Variants in DDR2 observed in about 807,000 individuals in gnomAD.
DDR2 encodes discoidin domain receptor tyrosine kinase 2, also known as discoidin domain-containing receptor 2.
Under a neutral mutation model 94.9 loss-of-function variants are expected in DDR2, and 27 were observed. That is an observed-to-expected ratio of 0.28 (90% confidence interval 0.21 to 0.39). The LOEUF (loss-of-function observed/expected upper bound fraction) is 0.39, where lower values mean the gene tolerates loss of function less well. DDR2 is among the 10% of genes least tolerant of loss of function. The probability of loss-of-function intolerance (pLI) is 1.00; values close to 1 mark genes in which losing one functional copy is unlikely to be tolerated. For synonymous variants in DDR2, 382 were observed against 377.2 expected, an observed-to-expected ratio of 1.01 and a Z score of -0.15; for missense variants, 783 against 1,076.0, an observed-to-expected ratio of 0.73 and a Z score of 3.81.
At position 162,728,178 on chromosome 1, in the gene DDR2, C is replaced by A. The variant is rs141821644; in HGVS notation, c.82+9033C>A. On this transcript the variant is annotated intron_variant, in intron 3 of 17. Transcript: ENST00000367921. The stretch of plus-strand genomic sequence containing the variant: ...TCTATATAAATATATAGATAGATAT[C>A]TCTTTATATATATATAGATAGATAT... Among the ~76,000 whole-genome samples, 174 of 133,446 alleles carry A rather than the reference C, an allele frequency of 1.3e-3. No homozygotes were observed. In the Middle Eastern group the frequency reaches 0.019, roughly 15 times the overall value. 87.5% of individuals were successfully genotyped at this position (133,446 alleles called of 152,430 possible).
chr1:162,638,434 C>T (rs1266714293), intron 1 of DDR2, among the ~76,000 whole-genome samples: 2 of 152,140 alleles, frequency 1.3e-5, no homozygotes, highest in African/African-American at 4.8e-5. Flanking sequence ...GAACAAACTC[C>T]CATATCCCCA....
At position 162,684,299 on chromosome 1, in the gene DDR2, A is replaced by T. The variant is rs150081173; in HGVS notation, c.-28+28925A>T. ...CCTTCCAAGCCTCTATTTGACAAGG[A>T]TGATAAAATATCTTTCTTTTTTAAG... On this transcript the variant is annotated intron_variant, in intron 2 of 17. Coordinates refer to ENST00000367921, the MANE Select transcript of DDR2 (RefSeq NM_006182.4). 2.0e-3 allele frequency among the ~76,000 whole-genome samples: 298 copies of T among 152,312 alleles called. 3 individuals carry two copies. Among genetic ancestry groups the T allele is most frequent in the African/African-American group, 7.0e-3 (292 of 41,576 alleles).
At chr1:162,666,955 A>AATAT (rs765426746) in intron 2 of DDR2, among the ~76,000 whole-genome samples, 2 of 148,424 alleles carry the variant, frequency 1.3e-5, no homozygotes, top group African/African-American at 4.9e-5. Context: ...CAAACTCATA[A>AATAT]ATATATATAT....
intron 3 of DDR2, among the ~76,000 whole-genome samples, chr1:162,730,385 G>C (rs541639392): frequency 6.6e-6 from 1 of 152,256 alleles, no homozygotes; most frequent in African/African-American, 2.4e-5. Flanking sequence ...TACAAGCGGA[G>C]CATTTTGATT....
intron 1 of DDR2, among the ~76,000 whole-genome samples, chr1:162,651,804 G>A (rs1053786417): frequency 5.3e-5 from 8 of 152,086 alleles, no homozygotes; most frequent in Admixed American, 2.0e-4. Flanking sequence ...AAAATGAGTC[G>A]AATCTTGGTT....
In DDR2 at chr1:162,654,472, A is replaced by C. The variant is rs982782402; in HGVS notation, c.-191-739A>C. 8.5e-5 allele frequency among the ~76,000 whole-genome samples: 13 copies of C among 152,316 alleles called. No individual in the cohort carries two copies. In the South Asian group the frequency reaches 1.9e-3, roughly 22 times the overall value. On this transcript the variant is annotated intron_variant, in intron 1 of 17. Coordinates refer to ENST00000367921, the MANE Select transcript of DDR2 (RefSeq NM_006182.4). The stretch of plus-strand genomic sequence containing the variant: ...AGAATACAACAGCAAACAAACAAAC[A>C]AAAAACCAAAAACCCTCAAACACTA...
chr1:162,770,434 C>G lies in DDR2; in HGVS notation c.1426C>G (p.Pro476Ala). ...GSNSTYDRIF[P>A]LRPDYQEPSR... ...CAACTCGACTTACGATCGCATCTTT[C>G]CCCTTCGCCCTGACTACCAGGAGCC... Residue 476 changes from proline to alanine, a missense_variant, in exon 12 of 18, where the codon CCC (proline) becomes GCC (alanine). This residue lies in a region of DDR2 where 519 missense variants were observed against 647.9 expected (regional missense o/e 0.80). Coordinates refer to ENST00000367921, the MANE Select transcript of DDR2 (RefSeq NM_006182.4). 1 of 1,614,134 alleles carries G rather than the reference C, an allele frequency of 6.2e-7. No homozygotes were observed. The highest frequency in any genetic ancestry group is 1.1e-5 in the South Asian group (1 of 91,068).
At chr1:162,720,456 T>C (rs1539733) in intron 3 of DDR2, among the ~76,000 whole-genome samples, 88,655 of 149,870 alleles carry the variant, frequency 0.59, 29,566 homozygotes, top group Non-Finnish European at 0.74. Context: ...CAACATTTTG[T>C]TTATGAAATT....
chr1:162,740,570 T>G (rs1662539411), intron 3 of DDR2, among the ~76,000 whole-genome samples: 1 of 152,194 alleles, frequency 6.6e-6, no homozygotes, highest in African/African-American at 2.4e-5. Context: ...GAAGCCTACC[T>G]TGATTTCTTT....
intron 3 of DDR2, among the ~76,000 whole-genome samples, chr1:162,750,216 G>A (rs557899962): frequency 6.6e-6 from 1 of 152,292 alleles, no homozygotes; most frequent in African/African-American, 2.4e-5. Context: ...CCTGTTTGCA[G>A]ATGACATGAT....
At chr1:162,677,052 AAAACAATATTATGCGAGATGTGGC>A (rs1659164239) in intron 2 of DDR2, among the ~76,000 whole-genome samples, 1 of 152,182 alleles carries the variant, frequency 6.6e-6, no homozygotes, top group African/African-American at 2.4e-5. Flanking sequence ...GGGTGAACCA[AAAACAATATTATGCGAGATGTGGC>A]CAGTTTGGGT....
rs761726921 is a variant in DDR2, at chr1:162,656,833, G to GTTTT, written c.-28+1472_-28+1475dup. Among the ~76,000 whole-genome samples the GTTTT allele has an allele frequency of 9.4e-3, 615 of 65,564 alleles. 128 individuals carry two copies. Among genetic ancestry groups the GTTTT allele is most frequent in the African/African-American group, 0.026 (535 of 20,378 alleles). 43.0% of individuals were successfully genotyped at this position (65,564 alleles called of 152,430 possible). A position where few individuals can be genotyped will look rare whatever the true frequency, so the allele number is the denominator to read the frequency against. On this transcript the variant is annotated intron_variant, in intron 2 of 17. Transcript: ENST00000367921. The stretch of plus-strand genomic sequence containing the variant: ...GGTCTTTTCTTCCCCTGCCACTGGA[G>GTTTT]TTTTTTTTTTTTTTTTATTTTTTTT...
At chr1:162,717,388 C>T (rs374717476) in intron 2 of DDR2, among the ~76,000 whole-genome samples, 1 of 152,256 alleles carries the variant, frequency 6.6e-6, no homozygotes, top group East Asian at 1.9e-4. Context: ...TACAGGGAAT[C>T]CTTGTATATC....
At chr1:162,754,972 C>T in intron 5 of DDR2, 117 bp downstream of exon 5, 4 of 1,447,384 alleles carry the variant, frequency 2.8e-6, no homozygotes, top group Non-Finnish European at 2.9e-6. Context: ...CAGGCATGCC[C>T]TTGTAAATGT....
intron 12 of DDR2, chr1:162,770,796 A>G: frequency 2.1e-6 from 1 of 472,896 alleles, no homozygotes; most frequent in South Asian, 2.0e-5. Flanking sequence ...GAAGAACCTA[A>G]ACAGTCCAAC....
Position 162,783,734 on chromosome 1 carries a change from G to A in DDR2, c.*3488G>A, listed in dbSNP as rs1648026748. ...GGAAAGGAATTTTTCAGAATTTTAA[G>A]AAAGGGGAAGTTCCTCTTGGAAAAG... On this transcript the variant is annotated 3_prime_UTR_variant, in exon 18 of 18. Transcript: ENST00000367921. 6.6e-6 allele frequency: 1 copy of A among 152,204 alleles called. No individual in the cohort carries two copies. Among genetic ancestry groups the A allele is most frequent in the African/African-American group, 2.4e-5 (1 of 41,452 alleles). 9.4% of individuals were successfully genotyped at this position (152,204 alleles called of 1,614,324 possible).
At chr1:162,699,410 A>G (rs1374716892) in intron 2 of DDR2, among the ~76,000 whole-genome samples, 4 of 152,226 alleles carry the variant, frequency 2.6e-5, no homozygotes, top group Non-Finnish European at 5.9e-5. Context: ...CTGTTTAAGG[A>G]ATAGCACTTA....
Position 162,759,908 on chromosome 1 carries a change from G to A in DDR2, c.784G>A (p.Glu262Lys), listed in dbSNP as rs371402503. 512 of 1,614,062 alleles carry A rather than the reference G, an allele frequency of 3.2e-4. No homozygotes were observed. Among genetic ancestry groups the A allele is most frequent in the Non-Finnish European group, 4.2e-4 (496 of 1,180,024 alleles). ...CTATGACTATGTGGGCTGGCGGAAC[G>A]AGAGTGCCACCAATGGCTACATTGA... is the stretch of plus-strand genomic sequence containing the variant. ...PGYDYVGWRN[E>K]SATNGYIEIM... The change falls in exon 8 of 18, where the codon GAG becomes AAG. Residue 262 changes from glutamate (E) to lysine (K), a missense_variant. Transcript: ENST00000367921.
In DDR2 at chr1:162,746,816, T is replaced by C. The variant is rs191683680; in HGVS notation, c.83-6279T>C. ...AGCAACATTTGCTGTTTTGCAATAT[T>C]TGCTGTTTTGCAATATTTGCTGTTC... is the stretch of plus-strand genomic sequence containing the variant. On this transcript the variant is annotated intron_variant, in intron 3 of 17. Transcript: ENST00000367921. Among the ~76,000 whole-genome samples the C allele has an allele frequency of 2.6e-5, 4 of 152,344 alleles. No homozygotes were observed. The East Asian group carries it at 7.7e-4, about 29-fold the overall frequency.
Sources: allele counts gnomAD v4.1 joint callset (sites outside exome capture counted in the v4.1 genomes callset), GRCh38; gene constraint gnomAD v4.1.1; regional missense constraint gnomAD v4.1.1; transcripts MANE v1.5; gene names NCBI Gene and HGNC (gene_info 2026-07-23, HGNC 2026-07-21).